The following PAQR5 variants were observed in gnomAD, a reference collection of about 807,000 sequenced individuals.
The protein encoded by PAQR5 is progestin and adipoQ receptor family member 5.
Under a neutral mutation model 34.5 loss-of-function variants are expected in PAQR5, and 20 were observed. The ratio of observed to expected loss-of-function variants is 0.58; its 90% CI spans 0.41 to 0.84. The LOEUF (loss-of-function observed/expected upper bound fraction) is 0.84. Among genes scored for constraint, PAQR5 ranks in the 40% least tolerant of loss-of-function variants. The pLI, the probability that PAQR5 is intolerant of heterozygous loss-of-function variation, is 0.00. For missense variants in PAQR5, 378 were observed against 412.7 expected (o/e 0.92, Z 0.73); for synonymous variants, 131 against 155.6 (o/e 0.84, Z 1.18).
intron 6 of PAQR5, among the ~76,000 whole-genome samples, chr15:69,394,319 G>A (rs530772372): frequency 1.3e-5 from 2 of 152,206 alleles, no homozygotes; most frequent in Admixed American, 1.3e-4. Flanking sequence ...ATGGTTCTCA[G>A]ACAGAGGCTT....
chr15:69,371,763 A>C (rs570535433), intron 3 of PAQR5, among the ~76,000 whole-genome samples: 5 of 152,232 alleles, frequency 3.3e-5, no homozygotes, highest in African/African-American at 1.2e-4. Context: ...TTAAAATAAT[A>C]AATACGTATT....
intron 1 of PAQR5, among the ~76,000 whole-genome samples, chr15:69,315,313 G>A (rs1170005167): frequency 6.6e-6 from 1 of 152,148 alleles, no homozygotes; most frequent in African/African-American, 2.4e-5. Flanking sequence ...GTTCAGGGAG[G>A]AAGATCGGGG....
chr15:69,377,642 C>T (rs1208970961), intron 3 of PAQR5, among the ~76,000 whole-genome samples: 1 of 152,164 alleles, frequency 6.6e-6, no homozygotes, highest in Non-Finnish European at 1.5e-5. Context: ...AATGTGCTGA[C>T]CATTCAGCTA....
At chr15:69,394,409 C>CA (rs1164352377) in intron 6 of PAQR5, among the ~76,000 whole-genome samples, 1 of 152,166 alleles carries the variant, frequency 6.6e-6, no homozygotes, top group Non-Finnish European at 1.5e-5. Flanking sequence ...CAAAATAAGA[C>CA]AACTCCTACA....
chr15:69,378,264 T>TAAAAAAAAAAAAAAAAAAAAAAAA (rs71149912), intron 3 of PAQR5, among the ~76,000 whole-genome samples: 2 of 59,684 alleles, frequency 3.4e-5, no homozygotes, highest in East Asian at 6.2e-4. Flanking sequence ...GACTCCATCT[T>TAAAAAAAAAAAAAAAAAAAAAAAA]AAAAAAAAAA....
chr15:69,378,458 A>G (rs796644199), intron 3 of PAQR5, among the ~76,000 whole-genome samples: 14 of 143,836 alleles, frequency 9.7e-5, no homozygotes, highest in African/African-American at 2.8e-4. Context: ...AAAAAAAAAA[A>G]AGAGAGAGAG....
chr15:69,379,268 C>A, intron 3 of PAQR5: 1 of 187,458 alleles, frequency 5.3e-6, no homozygotes, highest in Non-Finnish European at 9.7e-6. Context: ...CCGGGTTTCT[C>A]AGTGGGTGTT....
intron 1 of PAQR5, among the ~76,000 whole-genome samples, chr15:69,322,778 A>G (rs12591033): frequency 0.026 from 2,367 of 92,442 alleles, 596 homozygotes; most frequent in Middle Eastern, 0.056. Flanking sequence ...AAGAGGGAGA[A>G]GAAGAAGACG....
rs530641731 is a variant in PAQR5 at position 69,404,091 on chromosome 15, C to T, written c.*269C>T. The stretch of plus-strand genomic sequence containing the variant: ...TGATATTTCATTAATTTTAAATTTA[C>T]TTAAAATGTGGTTTTAAATTCTATT... On this transcript the variant is annotated 3_prime_UTR_variant, in exon 9 of 9. Transcript: ENST00000395407. 1.2e-4 allele frequency: 47 copies of T among 376,676 alleles called. No homozygotes were observed. The highest frequency in any genetic ancestry group is 2.1e-4 in the Non-Finnish European group (43 of 208,980). 23.3% of individuals were successfully genotyped at this position (376,676 alleles called of 1,614,324 possible).
chr15:69,354,034 G>T (rs1279106001), intron 2 of PAQR5, among the ~76,000 whole-genome samples: 2 of 152,210 alleles, frequency 1.3e-5, no homozygotes, highest in African/African-American at 4.8e-5. Flanking sequence ...ATACAGGAAA[G>T]CTCTTTGGGC....
rs1448507044 is a variant in PAQR5, at chr15:69,337,450, T to C, written c.-167T>C. 1 of 152,292 alleles carries C rather than the reference T, an allele frequency of 6.6e-6. No individual in the cohort carries two copies. The highest frequency in any genetic ancestry group is 2.4e-5 in the African/African-American group (1 of 41,466). The allele number at this position is 152,292 out of a possible 1,614,324, so 9.4% of individuals were successfully genotyped here. ...GCCAATTAAAGCCCTTTGGGGAATCTGGCCTCATACCTTGTCCACACAGAG... is the reference window on the plus strand; with the variant it reads ...GCCAATTAAAGCCCTTTGGGGAATCCGGCCTCATACCTTGTCCACACAGAG... On this transcript the variant is annotated 5_prime_UTR_variant, in exon 2 of 9. Coordinates refer to ENST00000395407, the MANE Select transcript of PAQR5 (RefSeq NM_017705.4).
intron 3 of PAQR5, among the ~76,000 whole-genome samples, chr15:69,378,864 C>T (rs962745386): frequency 5.3e-5 from 8 of 152,044 alleles, no homozygotes; most frequent in African/African-American, 1.7e-4. Flanking sequence ...TGGCATTTAG[C>T]GGATAAAGGC....
At chr15:69,383,566 G>A (rs1482564974) in intron 4 of PAQR5, among the ~76,000 whole-genome samples, 1 of 133,206 alleles carries the variant, frequency 7.5e-6, no homozygotes, top group East Asian at 2.3e-4. Context: ...ATGGTGGAGG[G>A]TTAGTGGGCC....
intron 3 of PAQR5, among the ~76,000 whole-genome samples, chr15:69,369,952 G>C (rs1400972428): frequency 6.6e-6 from 1 of 152,034 alleles, no homozygotes; most frequent in Non-Finnish European, 1.5e-5. Context: ...TACCTCACAG[G>C]GTTCCTGGTT....
chr15:69,308,830 C>T (rs998088966), intron 1 of PAQR5, among the ~76,000 whole-genome samples: 1 of 151,880 alleles, frequency 6.6e-6, no homozygotes, highest in Admixed American at 6.6e-5. Context: ...GGTGTAGCTT[C>T]CTCACTGAAT....
At chr15:69,321,001 T>C (rs1234784532) in intron 1 of PAQR5, among the ~76,000 whole-genome samples, 1 of 152,252 alleles carries the variant, frequency 6.6e-6, no homozygotes, top group African/African-American at 2.4e-5. Context: ...ACTGCCGTCT[T>C]TTATTTATAA....
intron 2 of PAQR5, among the ~76,000 whole-genome samples, chr15:69,346,774 A>G (rs1455926045): frequency 6.6e-6 from 1 of 151,058 alleles, no homozygotes; most frequent in Non-Finnish European, 1.5e-5. Context: ...GGCATGCACC[A>G]CCACACCTGG....
At chr15:69,302,182 C>T (rs2053621419) in intron 1 of PAQR5, among the ~76,000 whole-genome samples, 1 of 152,096 alleles carries the variant, frequency 6.6e-6, no homozygotes, top group Non-Finnish European at 1.5e-5. Flanking sequence ...AGCTATCTTC[C>T]TCACCTCAGC....
At chr15:69,323,554 C>T (rs906750946) in intron 1 of PAQR5, among the ~76,000 whole-genome samples, 4 of 152,194 alleles carry the variant, frequency 2.6e-5, no homozygotes, top group African/African-American at 9.7e-5. Flanking sequence ...CATTTGCAAC[C>T]CATGGGCTGG....
Sources: allele counts gnomAD v4.1 joint callset (sites outside exome capture counted in the v4.1 genomes callset), GRCh38; gene constraint gnomAD v4.1.1; transcripts MANE v1.5; gene names NCBI Gene and HGNC (gene_info 2026-07-23, HGNC 2026-07-21).